The following DPH6 variants were observed in gnomAD, a reference collection of about 807,000 sequenced individuals.
DPH6 encodes diphthine--ammonia ligase.
DPH6 carries 33 observed loss-of-function variants against 38.2 expected under a neutral mutation model. The observed-to-expected ratio is 0.86, with a 90% CI of 0.65 to 1.15. The LOEUF is 1.15. DPH6 is among the 50% of genes most tolerant of loss of function. The probability of loss-of-function intolerance (pLI) is 0.00; values close to 1 mark genes in which losing one functional copy is unlikely to be tolerated. For missense variants in DPH6, 325 were observed against 320.0 expected (o/e 1.02, Z -0.12); for synonymous variants, 108 against 103.0 (o/e 1.05, Z -0.30).
At chr15:35,298,259 T>C in intron 3 of DPH6, 1 of 545,798 alleles carries the variant, frequency 1.8e-6, no homozygotes, top group South Asian at 1.4e-5. Context: ...AAACTTGTTC[T>C]GCCAAATCCA....
chr15:35,436,507 A>AAAAAG (rs1472307803), intron 5 of DPH6, among the ~76,000 whole-genome samples: 138 of 10,574 alleles, frequency 0.013, 6 homozygotes, highest in African/African-American at 0.027. Flanking sequence ...AACAAAACAA[A>AAAAAG]ACAAAACAAA....
chr15:35,468,293 C>T (rs1174646180), intron 3 of DPH6, among the ~76,000 whole-genome samples: 1 of 151,994 alleles, frequency 6.6e-6, no homozygotes, highest in Non-Finnish European at 1.5e-5. Context: ...CATAACTTGC[C>T]CCAGATTTCT....
At chr15:35,320,566 A>G (rs2052231495) in intron 3 of DPH6, among the ~76,000 whole-genome samples, 1 of 152,220 alleles carries the variant, frequency 6.6e-6, no homozygotes, top group African/African-American at 2.4e-5. Flanking sequence ...TTACTACCCT[A>G]TAATTAAATA....
the DPH6 span, among the ~76,000 whole-genome samples, chr15:35,166,929 T>G: frequency 6.6e-6 from 1 of 151,904 alleles, no homozygotes; most frequent in Non-Finnish European, 1.5e-5. Context: ...AGACATGACT[T>G]TGCAAGAGGC....
At chr15:35,319,953 A>C (rs2052225529) in intron 3 of DPH6, among the ~76,000 whole-genome samples, 1 of 152,146 alleles carries the variant, frequency 6.6e-6, no homozygotes, top group African/African-American at 2.4e-5. Flanking sequence ...GATGTTAAGC[A>C]TAACAAATTC....
At chr15:35,153,628 T>C in the DPH6 span, among the ~76,000 whole-genome samples, 2 of 152,018 alleles carry the variant, frequency 1.3e-5, no homozygotes, top group African/African-American at 4.8e-5. Context: ...GTATGTAAGT[T>C]TGACCCTTGG....
intron 3 of DPH6, among the ~76,000 whole-genome samples, chr15:35,470,375 G>A (rs1338545545): frequency 1.3e-5 from 2 of 151,952 alleles, no homozygotes; most frequent in East Asian, 1.9e-4. Context: ...AAAAAATGGG[G>A]ATTTAAAAAA....
intron 5 of DPH6, among the ~76,000 whole-genome samples, chr15:35,447,487 C>T (rs2053870715): frequency 6.6e-6 from 1 of 152,130 alleles, no homozygotes; most frequent in Non-Finnish European, 1.5e-5. Flanking sequence ...ACCCTTTTCC[C>T]CATGATTGGG....
At chr15:35,380,590 T>C (rs754269119) in intron 7 of DPH6, among the ~76,000 whole-genome samples, 1 of 152,210 alleles carries the variant, frequency 6.6e-6, no homozygotes, top group Non-Finnish European at 1.5e-5. Context: ...CAAGTAAATA[T>C]ATCCTAAATT....
intron 3 of DPH6, among the ~76,000 whole-genome samples, chr15:35,356,647 T>C (rs1217233008): frequency 6.6e-6 from 1 of 152,134 alleles, no homozygotes; most frequent in African/African-American, 2.4e-5. Context: ...TCTGCAAGTT[T>C]TGTCTCAGAG....
At chr15:35,298,163 G>A in intron 3 of DPH6, 2 of 412,624 alleles carry the variant, frequency 4.8e-6, no homozygotes, top group Non-Finnish European at 9.3e-6. Context: ...AACAGTCATG[G>A]AGGCTGTGAC....
downstream of DPH6, among the ~76,000 whole-genome samples, chr15:35,326,865 C>T (rs1052378289): frequency 6.6e-6 from 1 of 152,190 alleles, no homozygotes; most frequent in African/African-American, 2.4e-5. Context: ...TGCATTCTAG[C>T]TGAGGATCAC....
At chr15:35,450,138 A>G (rs2053912995) in intron 5 of DPH6, among the ~76,000 whole-genome samples, 1 of 152,140 alleles carries the variant, frequency 6.6e-6, no homozygotes, top group Admixed American at 6.5e-5. Flanking sequence ...TGCTGTGTCT[A>G]TGCTAACTAA....
intron 6 of DPH6, among the ~76,000 whole-genome samples, chr15:35,386,418 G>A (rs926342673): frequency 1.4e-4 from 21 of 152,150 alleles, no homozygotes; most frequent in East Asian, 5.8e-4. Context: ...CTGAGGAGTC[G>A]CCACACCAAC....
At chr15:35,451,777 A>G (rs377516779) in intron 4 of DPH6, among the ~76,000 whole-genome samples, 27 of 152,158 alleles carry the variant, frequency 1.8e-4, no homozygotes, top group East Asian at 1.2e-3. Context: ...TTGGGAGGCC[A>G]AGGCGGGTGG....
the DPH6 span, among the ~76,000 whole-genome samples, chr15:35,192,687 C>T: frequency 0.01 from 1,594 of 152,118 alleles, 36 homozygotes; most frequent in African/African-American, 0.037. Flanking sequence ...TGTTACTTCA[C>T]GGTGTAAAAT....
At chr15:35,526,262 C>T (rs1042355185) in intron 3 of DPH6, among the ~76,000 whole-genome samples, 1 of 152,120 alleles carries the variant, frequency 6.6e-6, no homozygotes, top group Non-Finnish European at 1.5e-5. Flanking sequence ...ATTTCAATGG[C>T]TCCAAAACCA....
Position 35,400,829 on chromosome 15 carries a change from G to T in DPH6, c.567+10006C>A, listed in dbSNP as rs1031278331. 11 of 769,010 alleles carry T rather than the reference G, an allele frequency of 1.4e-5. No individual in the cohort carries two copies. In the African/African-American group the frequency reaches 1.5e-4, roughly 11 times the overall value. The allele number at this position is 769,010 out of a possible 1,614,324, so 47.6% of individuals were successfully genotyped here. A position where few individuals can be genotyped will look rare whatever the true frequency, so the allele number is the denominator to read the frequency against. Reference sequence around the variant, plus strand: ...ATGCTCACGGACTGTGTGATAATGAGAGATCCAAACACCAAACATTCCAGG... The same window carrying T: ...ATGCTCACGGACTGTGTGATAATGATAGATCCAAACACCAAACATTCCAGG... On this transcript the variant is annotated intron_variant, in intron 6 of 8. Transcript: ENST00000256538.
rs2051590969 is a variant in DPH6, at chr15:35,240,597, A to G, written n.201-20015T>C. On this transcript the variant is annotated intron_variant and non_coding_transcript_variant, in intron 3 of 3. Coordinates refer to the DPH6 transcript ENST00000560386. ...CCCTCCCCCACCTGCCCAGCAATTT[A>G]CTCTTAAAAAGGTGGCTGGAGCCAA... is the stretch of plus-strand genomic sequence containing the variant. 1.4e-5 allele frequency among the ~76,000 whole-genome samples: 2 copies of G among 142,434 alleles called. 1 individual carries two copies. Among genetic ancestry groups the G allele is most frequent in the Non-Finnish European group, 3.1e-5 (2 of 65,206 alleles). 93.4% of individuals were successfully genotyped at this position (142,434 alleles called of 152,430 possible). A position where few individuals can be genotyped will look rare whatever the true frequency, so the allele number is the denominator to read the frequency against.
Sources: allele counts gnomAD v4.1 joint callset (sites outside exome capture counted in the v4.1 genomes callset), GRCh38; gene constraint gnomAD v4.1.1; transcripts MANE v1.5; gene names NCBI Gene and HGNC (gene_info 2026-07-23, HGNC 2026-07-21).